Variants in ARL17A observed in about 807,000 individuals in gnomAD.
ARL17A encodes ARF like GTPase 17A.
the ARL17A span, among the ~76,000 whole-genome samples, chr17:46,502,171 G>C: frequency 1.3e-5 from 2 of 151,124 alleles, no homozygotes; most frequent in African/African-American, 2.5e-5. Context: ...GCTCATCGCT[G>C]ATGCAGTAAT....
chr17:46,557,972 C>T (rs1447680489), intron 3 of ARL17A, among the ~76,000 whole-genome samples: 1 of 131,042 alleles, frequency 7.6e-6, no homozygotes, highest in Middle Eastern at 3.3e-3. Flanking sequence ...GAGCGGTCTG[C>T]AGGCCATATA....
At chr17:46,502,300 T>C in the ARL17A span, among the ~76,000 whole-genome samples, 1 of 151,138 alleles carries the variant, frequency 6.6e-6, no homozygotes, top group Non-Finnish European at 1.5e-5. Context: ...TTATCTAGTT[T>C]AAGGGTCCTT....
intron 3 of ARL17A, chr17:46,560,505 T>G (rs2057489820): frequency 2.5e-5 from 1 of 40,746 alleles, no homozygotes; most frequent in African/African-American, 1.2e-4. Context: ...CCACCTGAAC[T>G]GCCCTCAGAG....
At chr17:46,537,366 A>G (rs1454737167) in intron 4 of ARL17A, among the ~76,000 whole-genome samples, 69 of 550 alleles carry the variant, frequency 0.13, 5 homozygotes, top group African/African-American at 0.25. Flanking sequence ...ACGGGGTTTC[A>G]CTTTGTTAGC....
chr17:46,534,733 G>A (rs1357702138), intron 4 of ARL17A, among the ~76,000 whole-genome samples: 3 of 149,958 alleles, frequency 2.0e-5, no homozygotes, highest in South Asian at 4.2e-4. Flanking sequence ...ACGGGGTGGC[G>A]GCCGGGCAGA....
intron 3 of ARL17A, among the ~76,000 whole-genome samples, chr17:46,545,908 G>A (rs1314932311): frequency 1.7e-4 from 25 of 149,730 alleles, no homozygotes; most frequent in Middle Eastern, 3.5e-3. Context: ...TCCAGAAGTT[G>A]GGGGCTTATT....
intron 3 of ARL17A, among the ~76,000 whole-genome samples, chr17:46,519,212 A>G (rs1329840626): frequency 6.7e-6 from 1 of 150,318 alleles, no homozygotes; most frequent in Admixed American, 6.6e-5. Context: ...TCCCGGGTTC[A>G]AGGGATTCTC....
rs551669181 is a variant in ARL17A, at chr17:46,540,446, A to AT, written c.260-2021dup. Among the ~76,000 whole-genome samples the AT allele has an allele frequency of 2.0e-3, 294 of 146,632 alleles. 2 individuals are homozygous for AT. Among genetic ancestry groups the AT allele is most frequent in the Admixed American group, 5.5e-3 (81 of 14,684 alleles). Reference sequence around the variant, plus strand: ...ACAGCCAGCAGGGGAAGAGAACAGCATTGAAGAACCCATATAGATTTGGAA... The same window carrying AT: ...ACAGCCAGCAGGGGAAGAGAACAGCATTTGAAGAACCCATATAGATTTGGAA... On this transcript the variant is annotated intron_variant, in intron 3 of 4. Transcript: ENST00000329240.
intron 2 of ARL17A, among the ~76,000 whole-genome samples, chr17:46,575,502 C>T (rs965844375): frequency 1.1e-4 from 16 of 140,174 alleles, no homozygotes; most frequent in Non-Finnish European, 2.0e-4. Context: ...CCAGCAGATT[C>T]CCAGCTCCCA....
intron 3 of ARL17A, among the ~76,000 whole-genome samples, chr17:46,544,076 C>T (rs2055917836): frequency 8.1e-6 from 1 of 124,010 alleles, no homozygotes; most frequent in Non-Finnish European, 1.6e-5. Context: ...AAGATTGCAC[C>T]ACTGCACTCA....
chr17:46,543,565 G>A (rs1433481861), intron 3 of ARL17A, among the ~76,000 whole-genome samples: 1 of 150,896 alleles, frequency 6.6e-6, no homozygotes, highest in Non-Finnish European at 1.5e-5. Flanking sequence ...TTATGTCAGA[G>A]AATGCCTTGG....
chr17:46,542,723 G>A (rs1181619707), intron 3 of ARL17A, among the ~76,000 whole-genome samples: 4 of 150,140 alleles, frequency 2.7e-5, no homozygotes, highest in African/African-American at 5.0e-5. Context: ...ATATATGTAC[G>A]TGTATATATG....
chr17:46,549,133 T>A, downstream of ARL17A: 1 of 1,611,538 alleles, frequency 6.2e-7, no homozygotes, highest in East Asian at 2.2e-5. Flanking sequence ...AAAGAAAAGT[T>A]ATCTGAGTAG....
chr17:46,540,518 GAA>G (rs2055125418), intron 3 of ARL17A, among the ~76,000 whole-genome samples: 2 of 148,346 alleles, frequency 1.3e-5, no homozygotes, highest in Non-Finnish European at 3.0e-5. Context: ...AAGCAAAGGG[GAA>G]AAGGTGTTCA....
the ARL17A span, among the ~76,000 whole-genome samples, chr17:46,504,924 A>G: frequency 3.3e-5 from 4 of 119,656 alleles, no homozygotes; most frequent in Non-Finnish European, 1.7e-5. Context: ...AATTTATTTA[A>G]TAAATTGATT....
the ARL17A span, among the ~76,000 whole-genome samples, chr17:46,501,874 A>T: frequency 6.6e-6 from 1 of 151,026 alleles, no homozygotes; most frequent in Non-Finnish European, 1.5e-5. Context: ...CTTAGTAATG[A>T]CTCCAGGTAT....
chr17:46,500,989 G>A, the ARL17A span, among the ~76,000 whole-genome samples: 2 of 151,118 alleles, frequency 1.3e-5, no homozygotes, highest in Non-Finnish European at 2.9e-5. Flanking sequence ...AGACCAGCCT[G>A]GCTAACATGG....
chr17:46,543,359 C>T lies in ARL17A; in HGVS notation c.260-4933G>A, dbSNP rs566796792. On this transcript the variant is annotated intron_variant, in intron 3 of 4. Transcript: ENST00000329240. Reference sequence around the variant, plus strand: ...ACAGTCTCAAAGATTTGTCAGTATACTTTAAAACAATCCTGGGAACAGTTC... The same window carrying T: ...ACAGTCTCAAAGATTTGTCAGTATATTTTAAAACAATCCTGGGAACAGTTC... Among the ~76,000 whole-genome samples the T allele has an allele frequency of 4.6e-5, 7 of 150,832 alleles. 1 individual carries two copies. In the East Asian group the frequency reaches 1.2e-3, roughly 25 times the overall value.
Position 46,533,578 on chromosome 17 carries a change from C to T in ARL17A, c.336-4719G>A, listed in dbSNP as rs553763938. 1.4e-4 allele frequency among the ~76,000 whole-genome samples: 17 copies of T among 123,974 alleles called. No individual in the cohort carries two copies. The East Asian group carries it at 2.3e-3, about 17-fold the overall frequency. The allele number at this position is 123,974 out of a possible 152,430, so 81.3% of individuals were successfully genotyped here. On this transcript the variant is annotated intron_variant, in intron 4 of 4. Transcript: ENST00000329240. Reference sequence around the variant, plus strand: ...GTGCAGTGGCACAATCTTTACTCGCCGCAACCTCTGCCTCCCAGGTTCAAG... The same window carrying T: ...GTGCAGTGGCACAATCTTTACTCGCTGCAACCTCTGCCTCCCAGGTTCAAG...
Sources: allele counts gnomAD v4.1 joint callset (sites outside exome capture counted in the v4.1 genomes callset), GRCh38; gene constraint gnomAD v4.1.1; transcripts MANE v1.5; gene names NCBI Gene and HGNC (gene_info 2026-07-23, HGNC 2026-07-21).